Variants in NARS2 observed in about 807,000 individuals in gnomAD.
NARS2 encodes asparaginyl-tRNA synthetase.
NARS2 carries 60 observed loss-of-function variants against 62.9 expected under a neutral mutation model. The observed-to-expected ratio is 0.95, with a 90% confidence interval of 0.77 to 1.18. The LOEUF (loss-of-function observed/expected upper bound fraction) is 1.18, where lower values mean the gene tolerates loss of function less well. Among genes scored for constraint, NARS2 ranks in the 50% most tolerant of loss-of-function variants. The pLI, the probability that NARS2 is intolerant of heterozygous loss-of-function variation, is 0.00. For synonymous variants in NARS2, 196 were observed against 200.0 expected (o/e 0.98, Z 0.17); for missense variants, 619 against 576.4 (o/e 1.07, Z -0.76).
At chr11:78,556,125 G>A (rs753464293) in intron 5 of NARS2, among the ~76,000 whole-genome samples, 1 of 152,050 alleles carries the variant, frequency 6.6e-6, no homozygotes, top group South Asian at 2.1e-4. Context: ...TAGGTGCCAC[G>A]TGAAGACAAG....
At chr11:78,573,675 T>C (rs1857010802) in intron 1 of NARS2, 1 of 152,342 alleles carries the variant, frequency 6.6e-6, no homozygotes, top group Non-Finnish European at 1.5e-5. Context: ...CTAACATTTG[T>C]AGACTATGAG....
chr11:78,556,179 T>C (rs181031329), intron 5 of NARS2, among the ~76,000 whole-genome samples: 2 of 152,318 alleles, frequency 1.3e-5, no homozygotes, highest in Admixed American at 1.3e-4. Flanking sequence ...ATCTGATTCT[T>C]CTTACATTAT....
chr11:78,573,141 A>T (rs142993953), intron 1 of NARS2: 1 of 152,384 alleles, frequency 6.6e-6, no homozygotes, highest in East Asian at 1.9e-4. Flanking sequence ...TACCGCTAAA[A>T]AGTAAAGGAT....
chr11:78,571,424 T>A lies in NARS2; in HGVS notation c.162A>T (p.Arg54=). Residue 54 remains arginine (R), a synonymous_variant, in exon 2 of 14, where the codon CGA becomes CGT. Coordinates refer to ENST00000281038, the MANE Select transcript of NARS2 (RefSeq NM_024678.6). Reference sequence around the variant, plus strand: ...GCAGGAACAAGACTTCCTTCTGGGATCGGACAGAACGAATCCATCCCTAAG... The same window carrying A: ...GCAGGAACAAGACTTCCTTCTGGGAACGGACAGAACGAATCCATCCCTAAG... The part of the protein sequence containing the change: ...IKIQGWIRSV[R]SQKEVLFLHV... 1 of 1,612,908 alleles carries A rather than the reference T, an allele frequency of 6.2e-7. No individual in the cohort carries two copies. Among genetic ancestry groups the A allele is most frequent in the Non-Finnish European group, 8.5e-7 (1 of 1,179,456 alleles).
chr11:78,464,781 G>A (rs1176455600), intron 11 of NARS2, among the ~76,000 whole-genome samples: 5 of 152,298 alleles, frequency 3.3e-5, no homozygotes, highest in South Asian at 4.1e-4. Context: ...CTAGACAGAG[G>A]GTGCTGTTTG....
At chr11:78,566,448 A>T (rs1453870763) in intron 3 of NARS2, among the ~76,000 whole-genome samples, 176 bp from the exon 4 acceptor site, 1 of 152,238 alleles carries the variant, frequency 6.6e-6, no homozygotes, top group African/African-American at 2.4e-5. Flanking sequence ...GTGGAATGGT[A>T]GGACGGAATC....
At chr11:78,538,724 G>A (rs10899543) in intron 5 of NARS2, among the ~76,000 whole-genome samples, 97,791 of 151,666 alleles carry the variant, frequency 0.64, 34,884 homozygotes, top group Non-Finnish European at 0.81. Flanking sequence ...GGCCGGGCGC[G>A]GTGGCTCACG....
chr11:78,492,998 T>TA, intron 7 of NARS2, 65 bp downstream of exon 7: 6 of 1,439,354 alleles, frequency 4.2e-6, no homozygotes, highest in African/African-American at 3.1e-5. Context: ...ACGTCCGAGG[T>TA]AAAAATATAT....
chr11:78,517,645 A>C (rs1860962469), intron 6 of NARS2, among the ~76,000 whole-genome samples: 1 of 152,204 alleles, frequency 6.6e-6, no homozygotes, highest in Non-Finnish European at 1.5e-5. Flanking sequence ...TACTTCCATC[A>C]AATTCACCTA....
At chr11:78,476,487 T>C (rs139477940) in intron 9 of NARS2, among the ~76,000 whole-genome samples, 26 of 152,328 alleles carry the variant, frequency 1.7e-4, no homozygotes, top group African/African-American at 5.5e-4. Flanking sequence ...ACTGAGACCA[T>C]TGCTCCTACC....
chr11:78,516,043 T>C (rs977222940), intron 6 of NARS2, among the ~76,000 whole-genome samples: 5 of 152,164 alleles, frequency 3.3e-5, no homozygotes, highest in Non-Finnish European at 7.4e-5. Flanking sequence ...AGTTGGGCTA[T>C]AAAGGAACAA....
At chr11:78,499,647 C>T (rs970271606) in intron 6 of NARS2, among the ~76,000 whole-genome samples, 1 of 152,174 alleles carries the variant, frequency 6.6e-6, no homozygotes, top group African/African-American at 2.4e-5. Context: ...GGGTGAACTG[C>T]TCTAATTAGA....
chr11:78,477,120 A>G (rs1414878248), intron 9 of NARS2, among the ~76,000 whole-genome samples: 1 of 152,186 alleles, frequency 6.6e-6, no homozygotes, highest in Non-Finnish European at 1.5e-5. Context: ...ATTAGATAGG[A>G]GCTGGAAAAC....
At chr11:78,555,353 G>A (rs150762159) in intron 5 of NARS2, 2 of 152,272 alleles carry the variant, frequency 1.3e-5, no homozygotes, top group East Asian at 1.9e-4. Context: ...GAATCCATCA[G>A]GTCCTGGGCT....
chr11:78,524,686 TA>T (rs915553665), intron 6 of NARS2, among the ~76,000 whole-genome samples: 28 of 146,872 alleles, frequency 1.9e-4, no homozygotes, highest in South Asian at 8.6e-4. Context: ...TTCTCTAGTT[TA>T]AAAAAAAAAA....
intron 6 of NARS2, among the ~76,000 whole-genome samples, chr11:78,499,491 T>C (rs557065260): frequency 1.3e-5 from 2 of 152,230 alleles, no homozygotes; most frequent in South Asian, 2.1e-4. Flanking sequence ...GGAAGGTAAA[T>C]AGAATATCAA....
chr11:78,451,286 A>T (rs528604149), intron 11 of NARS2, among the ~76,000 whole-genome samples: 3 of 152,368 alleles, frequency 2.0e-5, no homozygotes, highest in Admixed American at 6.5e-5. Flanking sequence ...GTTAGGATTG[A>T]AATTCCAGGT....
At chr11:78,527,406 A>C (rs1320687795) in intron 6 of NARS2, among the ~76,000 whole-genome samples, 1 of 152,224 alleles carries the variant, frequency 6.6e-6, no homozygotes, top group Non-Finnish European at 1.5e-5. Flanking sequence ...TCCTACATCC[A>C]GATCTGCAAA....
chr11:78,560,530 C>T (rs1463589495), intron 4 of NARS2, among the ~76,000 whole-genome samples: 1 of 152,196 alleles, frequency 6.6e-6, no homozygotes, highest in Non-Finnish European at 1.5e-5. Context: ...ATGCTTAATG[C>T]AAAATTTTGG....
Sources: gnomAD v4.1 joint callset for allele counts (sites outside exome capture counted in the v4.1 genomes callset) on GRCh38, gnomAD v4.1.1 for gene constraint, MANE v1.5 for transcripts, NCBI Gene and HGNC (gene_info 2026-07-23, HGNC 2026-07-21) for gene names.